KCNG2: variants seen among roughly 807,000 people sequenced by gnomAD.
KCNG2 encodes voltage-gated potassium channel regulatory subunit KCNG2.
A neutral mutation model predicts 12.3 loss-of-function variants in KCNG2; 7 were observed. That is an observed-to-expected ratio of 0.57 (90% confidence interval 0.32 to 1.07). KCNG2 has a LOEUF of 1.07. Ranked by LOEUF, KCNG2 falls within the 50% of genes least tolerant of loss-of-function variation. The probability of loss-of-function intolerance (pLI) is 0.04; values close to 1 mark genes in which losing one functional copy is unlikely to be tolerated. For missense variants in KCNG2, 703 were observed against 726.0 expected (o/e 0.97, Z 0.36); for synonymous variants, 414 against 351.4 (o/e 1.18, Z -1.99).
intron 1 of KCNG2, among the ~76,000 whole-genome samples, chr18:79,820,823 A>AT (rs1362787414): frequency 6.6e-5 from 10 of 151,882 alleles, no homozygotes; most frequent in African/African-American, 2.2e-4. Flanking sequence ...TAATTTTTGT[A>AT]TTTTTTGTAG....
intron 1 of KCNG2, among the ~76,000 whole-genome samples, chr18:79,832,197 TCCTTCCTCACCTGC>T (rs1978299904): frequency 6.8e-6 from 1 of 147,486 alleles, no homozygotes; most frequent in Admixed American, 6.7e-5. Flanking sequence ...TTCTCACCCC[TCCTTCCTCACCTGC>T]CCTTCCTCAC....
At chr18:79,860,587 C>T (rs1484328136) in intron 2 of KCNG2, among the ~76,000 whole-genome samples, 1 of 152,014 alleles carries the variant, frequency 6.6e-6, no homozygotes, top group East Asian at 1.9e-4. Context: ...TTATTCATTG[C>T]TTTTGTATAG....
intron 3 of KCNG2, among the ~76,000 whole-genome samples, chr18:79,864,755 CG>C (rs1403383649): frequency 2.0e-5 from 3 of 151,792 alleles, no homozygotes; most frequent in Non-Finnish European, 4.4e-5. Flanking sequence ...GCTATGGAAC[CG>C]AGGTCTGGGT....
chr18:79,897,693 C>T (rs931367696), intron 3 of KCNG2, among the ~76,000 whole-genome samples: 3 of 152,162 alleles, frequency 2.0e-5, no homozygotes, highest in African/African-American at 7.2e-5. Flanking sequence ...ACAAGATATT[C>T]TAGCCCTTTT....
At chr18:79,828,009 T>A (rs1978287487) in intron 1 of KCNG2, among the ~76,000 whole-genome samples, 1 of 151,518 alleles carries the variant, frequency 6.6e-6, no homozygotes, top group South Asian at 2.1e-4. Flanking sequence ...CTGCAACCTC[T>A]GCCTCCCTGG....
intron 3 of KCNG2, among the ~76,000 whole-genome samples, chr18:79,867,330 C>G (rs143557495): frequency 4.6e-5 from 7 of 151,990 alleles, no homozygotes; most frequent in Middle Eastern, 3.4e-3. Flanking sequence ...GTGGGTCAAC[C>G]TATGTTACCA....
chr18:79,826,028 G>C (rs1978285424), intron 1 of KCNG2, among the ~76,000 whole-genome samples: 1 of 152,232 alleles, frequency 6.6e-6, no homozygotes, highest in Non-Finnish European at 1.5e-5. Context: ...CTGGGTGGAG[G>C]CTGCAGCTTA....
chr18:79,848,885 G>A (rs1269089374), intron 1 of KCNG2, among the ~76,000 whole-genome samples: 1 of 152,194 alleles, frequency 6.6e-6, no homozygotes, highest in Non-Finnish European at 1.5e-5. Context: ...AGCCCTCTGT[G>A]CCTCGGTCCG....
Position 79,800,056 on chromosome 18 carries a change from G to T in KCNG2, c.-115+2042G>T, listed in dbSNP as rs553449235. 6.6e-6 allele frequency among the ~76,000 whole-genome samples: 1 copy of T among 152,346 alleles called. No individual in the cohort carries two copies. The highest frequency in any genetic ancestry group is 2.1e-4 in the South Asian group (1 of 4,830). On this transcript the variant is annotated intron_variant, in intron 1 of 3. Coordinates refer to ENST00000316249, the MANE Select transcript of KCNG2 (RefSeq NM_012283.2). The surrounding 1 kb of genome is among the most constrained non-coding windows in gnomAD (Gnocchi z 4.0). ...ATGGTTGGGGGCTGCTTTTCTGGAA[G>T]AAGTGGGTCTCAGGCAGGCACCTGG...
chr18:79,817,680 G>A (rs1204366259), intron 1 of KCNG2, among the ~76,000 whole-genome samples: 2 of 152,228 alleles, frequency 1.3e-5, no homozygotes, highest in African/African-American at 2.4e-5. Context: ...AGTCAGTGGA[G>A]GGGCAGCAGG....
chr18:79,832,747 A>G (rs1287342448), intron 1 of KCNG2, among the ~76,000 whole-genome samples: 2 of 152,332 alleles, frequency 1.3e-5, no homozygotes, highest in East Asian at 3.9e-4. Flanking sequence ...TCCAGCCTGT[A>G]TGGCAAGACT....
intron 1 of KCNG2, among the ~76,000 whole-genome samples, chr18:79,805,547 TTTC>T (rs2122988784): frequency 6.6e-6 from 1 of 152,284 alleles, no homozygotes; most frequent in South Asian, 2.1e-4. Flanking sequence ...GCCTTTTTTT[TTTC>T]TTCTATCGTC....
At position 79,895,697 on chromosome 18, in the gene KCNG2, C is replaced by T. The variant is rs151106248; in HGVS notation, c.625-3343C>T. ...AATGTTACGATTGATATAGTTGAGT[C>T]TGTGTCTGCTTTTGATTGGGTTGTT... is the stretch of plus-strand genomic sequence containing the variant. On this transcript the variant is annotated intron_variant, in intron 3 of 3. Coordinates refer to ENST00000316249, the MANE Select transcript of KCNG2 (RefSeq NM_012283.2). Among the ~76,000 whole-genome samples the T allele has an allele frequency of 9.9e-5, 15 of 151,896 alleles. No individual in the cohort carries two copies. In the East Asian group the frequency reaches 2.9e-3, roughly 29 times the overall value.
chr18:79,832,841 G>A (rs1978303685), intron 1 of KCNG2, among the ~76,000 whole-genome samples: 1 of 152,162 alleles, frequency 6.6e-6, no homozygotes, highest in South Asian at 2.1e-4. Flanking sequence ...CTCTCCTGTG[G>A]CTCCTCTGGG....
At chr18:79,865,773 TGCTGAGAAG>T in intron 3 of KCNG2, among the ~76,000 whole-genome samples, 2 of 129,814 alleles carry the variant, frequency 1.5e-5, no homozygotes, top group African/African-American at 2.8e-5. Flanking sequence ...GAGGTCTGTG[TGCTGAGAAG>T]TCTGGGTGCT....
At chr18:79,883,330 G>A (rs1980393236) in intron 3 of KCNG2, among the ~76,000 whole-genome samples, 1 of 152,196 alleles carries the variant, frequency 6.6e-6, no homozygotes, top group Admixed American at 6.5e-5. Context: ...GCGTTTTCGC[G>A]GTAGTGGTGG....
chr18:79,866,837 G>A (rs1468706808), intron 3 of KCNG2, among the ~76,000 whole-genome samples: 1 of 40,984 alleles, frequency 2.4e-5, no homozygotes, highest in East Asian at 8.3e-4. Context: ...TCTGTGTGCT[G>A]AGAGTGTGGG....
At chr18:79,866,049 T>TGG (rs1979515927) in intron 3 of KCNG2, among the ~76,000 whole-genome samples, 2 of 140,170 alleles carry the variant, frequency 1.4e-5, no homozygotes, top group African/African-American at 5.5e-5. Context: ...GAGAGGTCTG[T>TGG]GTTCTGAGGT....
chr18:79,871,863 C>T (rs1183432164), intron 3 of KCNG2, among the ~76,000 whole-genome samples: 1 of 152,244 alleles, frequency 6.6e-6, no homozygotes, highest in Non-Finnish European at 1.5e-5. Flanking sequence ...TCAGCAGCGT[C>T]TGCCACTGCG....
Sources: allele counts gnomAD v4.1 joint callset (sites outside exome capture counted in the v4.1 genomes callset), GRCh38; gene constraint gnomAD v4.1.1; non-coding constraint Gnocchi (gnomAD v3.1); transcripts MANE v1.5; gene names NCBI Gene and HGNC (gene_info 2026-07-23, HGNC 2026-07-21).